The following PCDHGA3 variants were observed in gnomAD, a reference collection of about 807,000 sequenced individuals.
The protein encoded by PCDHGA3 is protocadherin gamma subfamily A, 3.
In PCDHGA3, 40 loss-of-function variants were observed where a neutral mutation model predicts 58.5. The ratio of observed to expected loss-of-function variants is 0.68; its 90% CI spans 0.53 to 0.89. PCDHGA3 has a LOEUF of 0.89. Ranked by LOEUF, PCDHGA3 falls within the 40% of genes least tolerant of loss-of-function variation. The probability of loss-of-function intolerance (pLI) is 0.00; values close to 1 mark genes in which losing one functional copy is unlikely to be tolerated. For missense variants in PCDHGA3, 1,223 were observed against 1,195.9 expected, an observed-to-expected ratio of 1.02 and a Z score of -0.33; for synonymous variants, 530 against 525.7, an observed-to-expected ratio of 1.01 and a Z score of -0.11.
intron 1 of PCDHGA3, among the ~76,000 whole-genome samples, chr5:141,407,776 A>G (rs1248399145): frequency 2.0e-5 from 3 of 152,234 alleles, no homozygotes; most frequent in Non-Finnish European, 4.4e-5. Context: ...TGTGCATAAT[A>G]GATTTATTTA....
At chr5:141,443,317 C>CAA (rs35054295) in intron 1 of PCDHGA3, among the ~76,000 whole-genome samples, 2,546 of 141,926 alleles carry the variant, frequency 0.018, 55 homozygotes, top group African/African-American at 0.052. Flanking sequence ...CCCATCTCTA[C>CAA]AAAAAAAAAA....
At position 141,371,244 on chromosome 5, in the gene PCDHGA3, A is replaced by T. The variant is rs1767599935; in HGVS notation, c.2424+24787A>T. ...CGAAATCATCTATGCCTTCATCAATATTGGCAAGGAAGTGAGACAACTGTT... is the reference window on the plus strand; with the variant it reads ...CGAAATCATCTATGCCTTCATCAATTTTGGCAAGGAAGTGAGACAACTGTT... On this transcript the variant is annotated intron_variant, in intron 1 of 3. Transcript: ENST00000253812. 1.9e-6 allele frequency: 3 copies of T among 1,614,038 alleles called. No individual in the cohort carries two copies. Among genetic ancestry groups the T allele is most frequent in the Non-Finnish European group, 2.5e-6 (3 of 1,179,908 alleles).
chr5:141,448,955 A>G (rs929888928), intron 1 of PCDHGA3, among the ~76,000 whole-genome samples: 1 of 152,174 alleles, frequency 6.6e-6, no homozygotes. Flanking sequence ...AAAAAAACAA[A>G]CAAACAAACA....
intron 1 of PCDHGA3, chr5:141,364,424 C>G: frequency 1.9e-6 from 3 of 1,613,572 alleles, no homozygotes; most frequent in Non-Finnish European, 1.7e-6. Flanking sequence ...CGGGCAGATC[C>G]GCTACTCGAT....
intron 1 of PCDHGA3, among the ~76,000 whole-genome samples, chr5:141,435,698 A>G (rs954167256): frequency 1.3e-5 from 2 of 152,184 alleles, no homozygotes; most frequent in African/African-American, 4.8e-5. Context: ...CTTATTGTAG[A>G]GTGGTTACAG....
chr5:141,512,555 A>C lies in PCDHGA3; in HGVS notation c.*1382A>C, dbSNP rs1294402882. 2.6e-5 allele frequency: 4 copies of C among 152,986 alleles called. No individual in the cohort carries two copies. The highest frequency in any genetic ancestry group is 9.6e-5 in the African/African-American group (4 of 41,472). 9.5% of individuals were successfully genotyped at this position (152,986 alleles called of 1,614,324 possible). A position where few individuals can be genotyped will look rare whatever the true frequency, so the allele number is the denominator to read the frequency against. ...AGTTCCCCAGTGCCTCCTTGTGCAT[A>C]GACCTTCTTCTCCCACCCCCTTCTG... On this transcript the variant is annotated 3_prime_UTR_variant, in exon 4 of 4. Transcript: ENST00000253812.
chr5:141,419,248 AAAC>A (rs1229992972), intron 1 of PCDHGA3: 1 of 1,613,980 alleles, frequency 6.2e-7, no homozygotes, highest in Admixed American at 1.7e-5. Context: ...ACGTGCCAGA[AAAC>A]AACCAGCCGG....
In PCDHGA3 at chr5:141,391,294, C is replaced by T. The variant is rs1189563844; in HGVS notation, c.2424+44837C>T. On this transcript the variant is annotated intron_variant, in intron 1 of 3. Transcript: ENST00000253812. Reference sequence around the variant, plus strand: ...TTTACAAATTGCTGAAAGAAGGAAACGTCTTTCGATTCTTTTTTTTTTCTT... The same window carrying T: ...TTTACAAATTGCTGAAAGAAGGAAATGTCTTTCGATTCTTTTTTTTTTCTT... 5.9e-5 allele frequency: 9 copies of T among 151,668 alleles called. 2 individuals are homozygous for T. The highest frequency in any genetic ancestry group is 5.3e-4 in the Admixed American group (8 of 15,220). 9.4% of individuals were successfully genotyped at this position (151,668 alleles called of 1,614,324 possible).
At chr5:141,415,560 GT>G in intron 1 of PCDHGA3, 1 of 1,613,936 alleles carries the variant, frequency 6.2e-7, no homozygotes, top group Non-Finnish European at 8.5e-7. Flanking sequence ...ACGATCCTTT[GT>G]CTTTGTTAGA....
Position 141,491,077 on chromosome 5 carries a change from T to TAGGA in PCDHGA3, c.2425-3730_2425-3729insAGGA, listed in dbSNP as rs752090443. 1.2e-6 allele frequency: 2 copies of TAGGA among 1,614,166 alleles called. No homozygotes were observed. Among genetic ancestry groups the TAGGA allele is most frequent in the Admixed American group, 3.3e-5 (2 of 60,014 alleles). On this transcript the variant is annotated intron_variant, in intron 1 of 3. Transcript: ENST00000253812. This position sits in a 1 kb window ranked among gnomAD's most constrained non-coding sequence, Gnocchi z 6.9. The stretch of plus-strand genomic sequence containing the variant: ...GCTCTCCTACTCACTGTTGCCACAG[T>TAGGA]CCACAGCCCCAGGACTGTTCCTCGT...
rs368168278 is a variant in PCDHGA3, at chr5:141,419,810, C to T, written c.2424+73353C>T. On this transcript the variant is annotated intron_variant, in intron 1 of 3. Coordinates refer to ENST00000253812, the MANE Select transcript of PCDHGA3 (RefSeq NM_018916.4). ...GCTAGTCGCTGTAAGAGATGGAGGA[C>T]AGCCACCCCTTTCAGCCACTGCCAC... The T allele has an allele frequency of 3.1e-6, 5 of 1,613,946 alleles. No individual in the cohort carries two copies. The Admixed American group carries it at 8.3e-5, about 27-fold the overall frequency.
At chr5:141,380,907 C>T (rs1406481355) in intron 1 of PCDHGA3, among the ~76,000 whole-genome samples, 3 of 152,296 alleles carry the variant, frequency 2.0e-5, no homozygotes, top group Admixed American at 6.5e-5. Flanking sequence ...TCTACAAGTG[C>T]TTACATTGTT....
chr5:141,431,002 C>A lies in PCDHGA3; in HGVS notation c.2425-63805C>A, dbSNP rs1055964066. The A allele has an allele frequency of 6.2e-7, 1 of 1,613,836 alleles. No individual in the cohort carries two copies. Among genetic ancestry groups the A allele is most frequent in the Admixed American group, 1.7e-5 (1 of 59,990 alleles). The stretch of plus-strand genomic sequence containing the variant: ...AGCTTTTCGCCCTGAATCCGCGCAG[C>A]GGCAGCTTGGTCACGGCGGGCAGGA... On this transcript the variant is annotated intron_variant, in intron 1 of 3. Transcript: ENST00000253812. The surrounding 1 kb of genome is among the most constrained non-coding windows in gnomAD (Gnocchi z 4.8).
At chr5:141,419,159 T>G in intron 1 of PCDHGA3, 1 of 1,613,916 alleles carries the variant, frequency 6.2e-7, no homozygotes, top group Non-Finnish European at 8.5e-7. Flanking sequence ...TCCGTTATCC[T>G]CCAGCAAAAC....
chr5:141,372,491 C>A (rs1413236125), intron 1 of PCDHGA3: 2 of 1,613,944 alleles, frequency 1.2e-6, no homozygotes, highest in Non-Finnish European at 1.7e-6. Flanking sequence ...TGGCCTTGAT[C>A]TCAGTGCTCT....
chr5:141,434,253 G>C (rs979768901), intron 1 of PCDHGA3, among the ~76,000 whole-genome samples: 9 of 152,198 alleles, frequency 5.9e-5, no homozygotes, highest in Non-Finnish European at 1.3e-4. Flanking sequence ...CTTGGGCATT[G>C]TGGGGGAGGT....
intron 1 of PCDHGA3, chr5:141,375,931 T>C (rs746995876): frequency 6.2e-6 from 10 of 1,613,646 alleles, no homozygotes; most frequent in South Asian, 4.4e-5. Context: ...AGCCAGGACT[T>C]TTCTCAGTGG....
chr5:141,492,320 G>A (rs1001784912), intron 1 of PCDHGA3, among the ~76,000 whole-genome samples: 1 of 152,206 alleles, frequency 6.6e-6, no homozygotes. Flanking sequence ...CTCCTCGCAC[G>A]TGGGCTTACG....
At position 141,487,249 on chromosome 5, in the gene PCDHGA3, C is replaced by T. The variant is rs757148469; in HGVS notation, c.2425-7558C>T. ...AAGGAGAATCTCGTCTAACCCTCTACTTGGCTGTGTCCCTAGTGGCAATTT... is the reference window on the plus strand; with the variant it reads ...AAGGAGAATCTCGTCTAACCCTCTATTTGGCTGTGTCCCTAGTGGCAATTT... On this transcript the variant is annotated intron_variant, in intron 1 of 3. Coordinates refer to ENST00000253812, the MANE Select transcript of PCDHGA3 (RefSeq NM_018916.4). The surrounding 1 kb of genome is among the most constrained non-coding windows in gnomAD (Gnocchi z 5.0). 2.5e-6 allele frequency: 4 copies of T among 1,614,164 alleles called. No homozygotes were observed. In the South Asian group the frequency reaches 4.4e-5, roughly 18 times the overall value.
Sources: gnomAD v4.1 joint callset for allele counts (sites outside exome capture counted in the v4.1 genomes callset) on GRCh38, gnomAD v4.1.1 for gene constraint, Gnocchi (gnomAD v3.1) non-coding constraint, MANE v1.5 for transcripts, NCBI Gene and HGNC (gene_info 2026-07-23, HGNC 2026-07-21) for gene names.